The following KALRN variants were observed in gnomAD, a reference collection of about 807,000 sequenced individuals.
KALRN encodes kalirin.
Under a neutral mutation model 353.7 loss-of-function variants are expected in KALRN, and 70 were observed. The observed-to-expected ratio is 0.20, with a 90% CI of 0.16 to 0.24. The LOEUF is 0.24. Among genes scored for constraint, KALRN ranks in the 10% least tolerant of loss-of-function variants. The pLI, the probability that KALRN is intolerant of heterozygous loss-of-function variation, is 1.00. For synonymous variants in KALRN, 1,391 were observed against 1,434.8 expected (o/e 0.97, Z 0.69); for missense variants, 2,791 against 3,756.7 (o/e 0.74, Z 6.72).
At chr3:124,703,585 G>A (rs988219407) in intron 57 of KALRN, among the ~76,000 whole-genome samples, 3 of 151,796 alleles carry the variant, frequency 2.0e-5, no homozygotes, top group Admixed American at 6.6e-5. Flanking sequence ...GCCTCCCAAA[G>A]TGCTGAGATT....
intron 30 of KALRN, 54 bp from the exon 31 acceptor site, chr3:124,491,269 G>C: frequency 8.3e-7 from 1 of 1,201,160 alleles, no homozygotes; most frequent in Non-Finnish European, 1.2e-6. Context: ...CCAGCCCTAA[G>C]TTTCCCCACT....
chr3:124,264,855 G>C (rs1383411116), intron 4 of KALRN, among the ~76,000 whole-genome samples, 165 bp downstream of exon 4: 1 of 152,184 alleles, frequency 6.6e-6, no homozygotes, highest in Non-Finnish European at 1.5e-5. Context: ...AGTATGGGGA[G>C]GAACAAGAGG....
chr3:124,460,525 C>G (rs1459248718), intron 23 of KALRN, among the ~76,000 whole-genome samples: 1 of 152,208 alleles, frequency 6.6e-6, no homozygotes, highest in East Asian at 1.9e-4. Context: ...CTTCTGATCT[C>G]CCTTCTGTCC....
At chr3:124,325,197 A>G (rs2079758991) in intron 6 of KALRN, among the ~76,000 whole-genome samples, 2 of 152,218 alleles carry the variant, frequency 1.3e-5, no homozygotes, top group African/African-American at 4.8e-5. Flanking sequence ...AAACAAGTAA[A>G]CAAAACACAA....
At chr3:124,594,762 A>G (rs868674569) in intron 34 of KALRN, among the ~76,000 whole-genome samples, 3 of 152,036 alleles carry the variant, frequency 2.0e-5, no homozygotes, top group Non-Finnish European at 4.4e-5. Context: ...GGACCAGTGA[A>G]TGATCAGCCT....
rs140081742 is a variant in KALRN at position 124,485,749 on chromosome 3, G to A, written c.4285-2455G>A. On this transcript the variant is annotated intron_variant, in intron 28 of 59. Coordinates refer to ENST00000682506, the MANE Select transcript of KALRN (RefSeq NM_001388419.1). ...ATAAAAATTGCCCAGTCGTGGTGGC[G>A]TGCACCTGTAGTCCCAGCTACTTGG... Among the ~76,000 whole-genome samples, 94 of 152,184 alleles carry A rather than the reference G, an allele frequency of 6.2e-4. No individual in the cohort carries two copies. In the East Asian group the frequency reaches 0.013, roughly 21 times the overall value.
intron 36 of KALRN, among the ~76,000 whole-genome samples, chr3:124,634,891 C>T (rs1036149885): frequency 6.6e-6 from 1 of 152,174 alleles, no homozygotes; most frequent in Non-Finnish European, 1.5e-5. Context: ...GTGCTCTGCC[C>T]TGTAGTGGGA....
At chr3:124,236,182 A>G (rs756120921) in intron 3 of KALRN, among the ~76,000 whole-genome samples, 4 of 152,198 alleles carry the variant, frequency 2.6e-5, no homozygotes, top group African/African-American at 4.8e-5. Flanking sequence ...TGGGAACAGA[A>G]AAAACATAAA....
intron 1 of KALRN, among the ~76,000 whole-genome samples, chr3:124,154,309 G>T (rs141394843): frequency 6.6e-6 from 1 of 152,290 alleles, no homozygotes; most frequent in Non-Finnish European, 1.5e-5. Context: ...TACAAAAACA[G>T]GAAGTCAAAT....
chr3:124,579,314 C>T (rs1421218331), intron 34 of KALRN, among the ~76,000 whole-genome samples: 1 of 152,128 alleles, frequency 6.6e-6, no homozygotes, highest in African/African-American at 2.4e-5. Context: ...GAGGGTGGGA[C>T]ATAAAGTGGT....
intron 33 of KALRN, among the ~76,000 whole-genome samples, chr3:124,548,760 T>G (rs2070048425): frequency 6.6e-6 from 1 of 152,208 alleles, no homozygotes; most frequent in African/African-American, 2.4e-5. Context: ...TTCAAATGAT[T>G]CTCCTGCCTC....
chr3:124,323,183 A>G (rs1055590227), intron 6 of KALRN, among the ~76,000 whole-genome samples: 1 of 152,180 alleles, frequency 6.6e-6, no homozygotes, highest in African/African-American at 2.4e-5. Context: ...CTATGATCAC[A>G]GGCTTAGAGG....
chr3:124,097,628 G>T (rs1240732806), intron 1 of KALRN, among the ~76,000 whole-genome samples: 2 of 152,338 alleles, frequency 1.3e-5, no homozygotes, highest in East Asian at 3.9e-4. Flanking sequence ...GGAAACATTA[G>T]AACACATCAT....
At chr3:124,629,700 T>G (rs1381701469) in intron 34 of KALRN, among the ~76,000 whole-genome samples, 2 of 152,270 alleles carry the variant, frequency 1.3e-5, no homozygotes, top group African/African-American at 2.4e-5. Flanking sequence ...CTCTGCTTAC[T>G]TGTCAGCTAA....
At chr3:124,494,208 A>G (rs1194471890) in intron 32 of KALRN, among the ~76,000 whole-genome samples, 2 of 152,148 alleles carry the variant, frequency 1.3e-5, no homozygotes, top group East Asian at 1.9e-4. Context: ...TTGTCCTACA[A>G]TGGGTGGGTG....
chr3:124,287,768 AAGATATATATATATATATAT>A (rs2076044526), intron 5 of KALRN, among the ~76,000 whole-genome samples: 1 of 71,452 alleles, frequency 1.4e-5, no homozygotes, highest in African/African-American at 5.5e-5. Context: ...AGGGCCTAGG[AAGATATATATATATATATAT>A]ATATATATAT....
intron 1 of KALRN, among the ~76,000 whole-genome samples, chr3:124,105,488 A>G (rs1012344545): frequency 5.3e-5 from 8 of 152,088 alleles, no homozygotes; most frequent in Non-Finnish European, 1.2e-4. Context: ...CTGTTTTTCG[A>G]AAGTATTGAC....
intron 1 of KALRN, among the ~76,000 whole-genome samples, chr3:124,053,387 C>T (rs759687208): frequency 6.6e-6 from 1 of 152,100 alleles, no homozygotes; most frequent in Non-Finnish European, 1.5e-5. Context: ...GGGGTATCTG[C>T]AGGATTTAAT....
chr3:124,531,017 G>C (rs536714903), intron 33 of KALRN, among the ~76,000 whole-genome samples: 30 of 152,276 alleles, frequency 2.0e-4, no homozygotes, highest in African/African-American at 5.5e-4. Context: ...ATAGCAGGGG[G>C]CTCTGTTCAT....
Sources: allele counts gnomAD v4.1 joint callset (sites outside exome capture counted in the v4.1 genomes callset), GRCh38; gene constraint gnomAD v4.1.1; transcripts MANE v1.5; gene names NCBI Gene and HGNC (gene_info 2026-07-23, HGNC 2026-07-21).